IL1RAPL2: variants seen among roughly 807,000 people sequenced by gnomAD.
IL1RAPL2 encodes the protein X-linked interleukin-1 receptor accessory protein-like 2.
A neutral mutation model predicts 44.1 loss-of-function variants in IL1RAPL2; 3 were observed. The observed-to-expected ratio is 0.07, with a 90% confidence interval of 0.03 to 0.18. The LOEUF is 0.18. Ranked by LOEUF, IL1RAPL2 falls within the 10% of genes least tolerant of loss-of-function variation. The pLI, the probability that IL1RAPL2 is intolerant of heterozygous loss-of-function variation, is 1.00. For missense variants in IL1RAPL2, 391 were observed against 496.4 expected, an observed-to-expected ratio of 0.79 and a Z score of 2.02; for synonymous variants, 181 against 178.8, an observed-to-expected ratio of 1.01 and a Z score of -0.10.
At chrX:105,309,119 C>T (rs987350065) in intron 5 of IL1RAPL2, among the ~76,000 whole-genome samples, 14 of 110,505 alleles carry the variant, frequency 1.3e-4, no homozygotes, top group African/African-American at 4.6e-4. Context: ...ACTGCAACCT[C>T]CGCCTCTCGG....
chrX:105,317,544 T>C (rs1603062322), intron 5 of IL1RAPL2, among the ~76,000 whole-genome samples: 1 of 111,952 alleles, frequency 8.9e-6, no homozygotes, highest in East Asian at 2.8e-4. Flanking sequence ...AGTGTCCTTA[T>C]AAAAGATTAT....
chrX:104,600,309 C>T (rs987372295), intron 1 of IL1RAPL2, among the ~76,000 whole-genome samples: 9 of 111,487 alleles, frequency 8.1e-5, no homozygotes, highest in African/African-American at 2.3e-4. Context: ...TACCTCATAA[C>T]TGTACAGAAC....
intron 2 of IL1RAPL2, among the ~76,000 whole-genome samples, chrX:104,895,257 G>T (rs1923606897): frequency 1.8e-5 from 2 of 112,476 alleles, no homozygotes; most frequent in Admixed American, 1.9e-4. Flanking sequence ...GAGGCAGTCT[G>T]TCCGTTCTCA....
chrX:105,168,542 G>A (rs1445583144), intron 2 of IL1RAPL2, among the ~76,000 whole-genome samples: 1 of 108,405 alleles, frequency 9.2e-6, no homozygotes, highest in Non-Finnish European at 1.9e-5. Context: ...TGGCTCATAA[G>A]ATTATGGAGA....
chrX:105,314,445 A>G (rs1603060795), intron 5 of IL1RAPL2, among the ~76,000 whole-genome samples: 1 of 111,620 alleles, frequency 9.0e-6, no homozygotes, highest in East Asian at 2.8e-4. Flanking sequence ...GCTGCGGACA[A>G]TCAAGCAGAC....
intron 2 of IL1RAPL2, among the ~76,000 whole-genome samples, chrX:105,014,090 G>A (rs1174606271): frequency 8.9e-6 from 1 of 111,771 alleles, no homozygotes; most frequent in Non-Finnish European, 1.9e-5. Flanking sequence ...GAGACAAGTA[G>A]AATAAATGAG....
intron 1 of IL1RAPL2, among the ~76,000 whole-genome samples, chrX:104,645,299 A>G (rs1411827905): frequency 2.7e-5 from 3 of 111,415 alleles, no homozygotes; most frequent in African/African-American, 9.8e-5. Context: ...TCAATTTTTC[A>G]CTAACATCTA....
At chrX:105,625,510 C>G (rs948343222) in intron 6 of IL1RAPL2, among the ~76,000 whole-genome samples, 1 of 112,064 alleles carries the variant, frequency 8.9e-6, no homozygotes, top group East Asian at 2.8e-4. Context: ...GCTAACATTT[C>G]CAGACTCACT....
At chrX:105,616,297 G>A (rs1291074844) in intron 6 of IL1RAPL2, among the ~76,000 whole-genome samples, 1 of 111,170 alleles carries the variant, frequency 9.0e-6, no homozygotes, top group Non-Finnish European at 1.9e-5. Flanking sequence ...GGGTGTTCTT[G>A]GTACTATTTT....
chrX:104,631,422 C>T (rs1301604827), intron 1 of IL1RAPL2, among the ~76,000 whole-genome samples: 1 of 111,777 alleles, frequency 8.9e-6, no homozygotes, highest in African/African-American at 3.3e-5. Context: ...ACACTGACTT[C>T]CACAATGGTT....
At chrX:104,709,196 T>G (rs1051813921) in intron 2 of IL1RAPL2, among the ~76,000 whole-genome samples, 1 of 109,798 alleles carries the variant, frequency 9.1e-6, no homozygotes, top group South Asian at 3.9e-4. Context: ...CAGTGGTTTT[T>G]TTTTTTCCAT....
intron 1 of IL1RAPL2, among the ~76,000 whole-genome samples, chrX:104,593,580 C>T (rs1013164075): frequency 8.9e-6 from 1 of 112,000 alleles, no homozygotes; most frequent in Non-Finnish European, 1.9e-5. Context: ...ATTTTGCATC[C>T]CTGTTGTCAA....
At chrX:105,308,837 G>A (rs1036167806) in intron 5 of IL1RAPL2, among the ~76,000 whole-genome samples, 4 of 111,286 alleles carry the variant, frequency 3.6e-5, no homozygotes, top group African/African-American at 1.3e-4. Context: ...AAAAGTAGGT[G>A]CATGTGTAAC....
At chrX:104,930,888 AG>A (rs1226895436) in intron 2 of IL1RAPL2, among the ~76,000 whole-genome samples, 1 of 111,230 alleles carries the variant, frequency 9.0e-6, no homozygotes, top group Non-Finnish European at 1.9e-5. Context: ...CAGTCTTTAA[AG>A]TGATTAAAGT....
At chrX:105,229,380 G>A (rs1394605053) in intron 3 of IL1RAPL2, among the ~76,000 whole-genome samples, 2 of 112,178 alleles carry the variant, frequency 1.8e-5, no homozygotes, top group Non-Finnish European at 3.8e-5. Context: ...TTGTCTTTAA[G>A]TTCTAGGGAC....
chrX:104,768,341 C>T (rs934007469), intron 2 of IL1RAPL2, among the ~76,000 whole-genome samples: 6 of 111,679 alleles, frequency 5.4e-5, no homozygotes, highest in African/African-American at 2.0e-4. Flanking sequence ...TTATTTTCTA[C>T]ATTGCTACCA....
chrX:105,247,406 C>T (rs990034605), intron 4 of IL1RAPL2, among the ~76,000 whole-genome samples: 1 of 110,932 alleles, frequency 9.0e-6, no homozygotes, highest in Non-Finnish European at 1.9e-5. Flanking sequence ...ACTCCAGAAA[C>T]AAATCCTGTA....
chrX:105,269,301 A>G (rs900818573), intron 5 of IL1RAPL2, among the ~76,000 whole-genome samples: 2 of 110,787 alleles, frequency 1.8e-5, no homozygotes, highest in Non-Finnish European at 1.9e-5. Context: ...GCTACAACCC[A>G]TATATTTAAT....
At chrX:105,274,001 A>T (rs1174619147) in intron 5 of IL1RAPL2, among the ~76,000 whole-genome samples, 2 of 111,880 alleles carry the variant, frequency 1.8e-5, no homozygotes, top group African/African-American at 6.5e-5. Flanking sequence ...TCCAATTCTC[A>T]GATGTAGCTT....
Sources: allele counts gnomAD v4.1 joint callset (sites outside exome capture counted in the v4.1 genomes callset), GRCh38; gene constraint gnomAD v4.1.1; transcripts MANE v1.5; gene names NCBI Gene and HGNC (gene_info 2026-07-23, HGNC 2026-07-21).